SLC16A12: variants seen among roughly 807,000 people sequenced by gnomAD.
SLC16A12 encodes the protein solute carrier family 16 member 12.
In SLC16A12, 17 loss-of-function variants were observed where a neutral mutation model predicts 42.4. The ratio of observed to expected loss-of-function variants is 0.40; its 90% CI spans 0.27 to 0.60. The LOEUF is 0.60. Among genes scored for constraint, SLC16A12 ranks in the 20% least tolerant of loss-of-function variants. The pLI is 0.42. For synonymous variants in SLC16A12, 224 were observed against 229.4 expected (o/e 0.98, Z 0.21); for missense variants, 544 against 623.0 (o/e 0.87, Z 1.35).
intron 2 of SLC16A12, among the ~76,000 whole-genome samples, chr10:89,490,680 C>A (rs1842832935): frequency 6.6e-6 from 1 of 152,150 alleles, no homozygotes; most frequent in East Asian, 1.9e-4. Context: ...TTCACCAACC[C>A]AAAAGCTCTC....
rs925215551 is a variant in SLC16A12, at chr10:89,432,979, C to T, written c.*85G>A. 4 of 1,557,626 alleles carry T rather than the reference C, an allele frequency of 2.6e-6. No homozygotes were observed. The highest frequency in any genetic ancestry group is 3.5e-6 in the Non-Finnish European group (4 of 1,153,272). On this transcript the variant is annotated 3_prime_UTR_variant, in exon 8 of 8. Coordinates refer to ENST00000371790, the MANE Select transcript of SLC16A12 (RefSeq NM_213606.4). ...ATTTCCTTGGAAGGCAATCCTTCTG[C>T]CAAAATAAAAAGTTTCAGAAACATG...
rs75346743 is a variant in SLC16A12 at position 89,521,593 on chromosome 10, C to G, written c.-47+12908G>C. On this transcript the variant is annotated intron_variant, in intron 2 of 7. Coordinates refer to ENST00000371790, the MANE Select transcript of SLC16A12 (RefSeq NM_213606.4). ...CCGGCCCCTCTCCCATGACCCTCAC[C>G]CCCACATGTCATAACAAAGCTCCAC... 4.9e-3 allele frequency among the ~76,000 whole-genome samples: 753 copies of G among 152,292 alleles called. 4 individuals are homozygous for G. Among genetic ancestry groups the G allele is most frequent in the African/African-American group, 0.017 (713 of 41,546 alleles).
intron 2 of SLC16A12, among the ~76,000 whole-genome samples, chr10:89,500,074 T>TA (rs1305895516): frequency 6.6e-6 from 1 of 152,078 alleles, no homozygotes; most frequent in Non-Finnish European, 1.5e-5. Context: ...CCTGGAAAGA[T>TA]ACAACCTCCT....
intron 2 of SLC16A12, among the ~76,000 whole-genome samples, chr10:89,518,943 A>G (rs1843302803): frequency 6.6e-6 from 1 of 152,204 alleles, no homozygotes; most frequent in African/African-American, 2.4e-5. Flanking sequence ...AATACTCAAT[A>G]TATATTATAT....
At chr10:89,492,550 T>C (rs919838546) in intron 2 of SLC16A12, among the ~76,000 whole-genome samples, 3 of 152,122 alleles carry the variant, frequency 2.0e-5, no homozygotes, top group African/African-American at 7.2e-5. Flanking sequence ...ACCAGCCTGA[T>C]AAACGTGGAG....
intron 2 of SLC16A12, among the ~76,000 whole-genome samples, chr10:89,546,617 T>C (rs1401424775): frequency 2.0e-5 from 3 of 152,200 alleles, no homozygotes; most frequent in Non-Finnish European, 2.9e-5. Flanking sequence ...CTGTGGAAGA[T>C]AGTATCGCGA....
At chr10:89,443,232 T>C (rs557236167) in intron 4 of SLC16A12, among the ~76,000 whole-genome samples, 17 of 152,324 alleles carry the variant, frequency 1.1e-4, no homozygotes, top group Admixed American at 9.2e-4. Flanking sequence ...TGAAGATTTA[T>C]ATATGAAAAA....
intron 2 of SLC16A12, among the ~76,000 whole-genome samples, chr10:89,487,989 TATATATAC>T (rs1439936925): frequency 5.1e-4 from 65 of 126,460 alleles, no homozygotes; most frequent in African/African-American, 1.9e-3. Flanking sequence ...TATATATATA[TATATATAC>T]ACACACACAT....
At position 89,535,429 on chromosome 10, in the gene SLC16A12, A is replaced by G; in HGVS notation, c.-187+13T>C. The G allele has an allele frequency of 6.5e-6, 1 of 153,102 alleles. No homozygotes were observed. Among genetic ancestry groups the G allele is most frequent in the Non-Finnish European group, 1.5e-5 (1 of 68,836 alleles). 9.5% of individuals were successfully genotyped at this position (153,102 alleles called of 1,614,324 possible). On this transcript the variant is annotated intron_variant, in intron 1 of 7. Coordinates refer to ENST00000371790, the MANE Select transcript of SLC16A12 (RefSeq NM_213606.4). ...CCGTCCCGCCGCCCTTCCTTGAAGG[A>G]TGCCCGTGTCACCTGAGCCACCGCG... is the stretch of plus-strand genomic sequence containing the variant.
At chr10:89,501,735 A>G (rs1350956871) in intron 2 of SLC16A12, among the ~76,000 whole-genome samples, 1 of 152,080 alleles carries the variant, frequency 6.6e-6, no homozygotes, top group Non-Finnish European at 1.5e-5. Context: ...CGGGCGACAG[A>G]GCAAGACTTC....
At position 89,436,094 on chromosome 10, in the gene SLC16A12, G is replaced by T. The variant is rs141623273; in HGVS notation, c.1254C>A (p.His418Gln). The T allele has an allele frequency of 6.2e-7, 1 of 1,613,820 alleles. No homozygotes were observed. The highest frequency in any genetic ancestry group is 8.5e-7 in the Non-Finnish European group (1 of 1,179,922). ...GTGGGCTCACCAAGTATGGCACTGC[G>T]TGAAGGAAGTATACCACACCAAGCG... ...SSALGVVYFL[H>Q]AVPYLVSPPI... The change falls in exon 7 of 8, where the codon CAC (histidine) becomes CAA (glutamine). Residue 418 changes from histidine to glutamine, a missense_variant. Transcript: ENST00000371790.
intron 4 of SLC16A12, among the ~76,000 whole-genome samples, chr10:89,443,353 A>G (rs1336145324): frequency 6.6e-6 from 1 of 152,250 alleles, no homozygotes; most frequent in African/African-American, 2.4e-5. Context: ...AAAATGGCTC[A>G]TGGTACTATC....
chr10:89,449,787 A>G (rs1402203416), intron 3 of SLC16A12, among the ~76,000 whole-genome samples: 1 of 152,260 alleles, frequency 6.6e-6, no homozygotes, highest in African/African-American at 2.4e-5. Context: ...GAGCTTCTGC[A>G]CAGCAAAAGA....
chr10:89,442,424 A>G (rs983579901), intron 4 of SLC16A12, among the ~76,000 whole-genome samples: 1 of 152,216 alleles, frequency 6.6e-6, no homozygotes, highest in African/African-American at 2.4e-5. Context: ...CTGTGTGACC[A>G]TATTGGTCAC....
At chr10:89,555,698 C>CATAT (rs57404736) in intron 2 of SLC16A12, among the ~76,000 whole-genome samples, 34 of 124,662 alleles carry the variant, frequency 2.7e-4, no homozygotes, top group Middle Eastern at 4.3e-3. Context: ...CACATATATA[C>CATAT]ATATATATAT....
intron 2 of SLC16A12, among the ~76,000 whole-genome samples, chr10:89,555,546 TATACGTATATATAC>T (rs1360878477): frequency 6.9e-6 from 1 of 145,242 alleles, no homozygotes; most frequent in African/African-American, 2.5e-5. Flanking sequence ...TATGTATGTA[TATACGTATATATAC>T]ATATACGTAT....
chr10:89,481,694 T>C (rs1427350829), intron 2 of SLC16A12, among the ~76,000 whole-genome samples: 2 of 151,364 alleles, frequency 1.3e-5, no homozygotes, highest in African/African-American at 4.9e-5. Context: ...TGTGTGTGTG[T>C]GTGTGTGTGT....
chr10:89,516,028 C>A (rs1589720686), intron 2 of SLC16A12, among the ~76,000 whole-genome samples: 1 of 152,120 alleles, frequency 6.6e-6, no homozygotes, highest in African/African-American at 2.4e-5. Flanking sequence ...CTTATGTATG[C>A]AGAATCTTAG....
intron 2 of SLC16A12, among the ~76,000 whole-genome samples, chr10:89,515,284 A>T (rs891843840): frequency 6.6e-6 from 1 of 152,162 alleles, no homozygotes; most frequent in African/African-American, 2.4e-5. Context: ...AATCCCCCAC[A>T]TTGGGAATGT....
Sources: allele counts gnomAD v4.1 joint callset (sites outside exome capture counted in the v4.1 genomes callset), GRCh38; gene constraint gnomAD v4.1.1; transcripts MANE v1.5; gene names NCBI Gene and HGNC (gene_info 2026-07-23, HGNC 2026-07-21).